The following TPD52 variants were observed in gnomAD, a reference collection of about 807,000 sequenced individuals.
TPD52 encodes the protein tumor protein D52, also known as prostate and colon associated protein.
In TPD52, 17 loss-of-function variants were observed where a neutral mutation model predicts 31.3. The observed-to-expected ratio is 0.54, with a 90% CI of 0.37 to 0.82. TPD52 has a LOEUF of 0.82. TPD52 is among the 40% of genes least tolerant of loss of function. TPD52 has a pLI of 0.00. For synonymous variants in TPD52, 83 were observed against 89.6 expected, an observed-to-expected ratio of 0.93 and a Z score of 0.42; for missense variants, 212 against 240.1, an observed-to-expected ratio of 0.88 and a Z score of 0.77.
chr8:80,144,058 T>C (rs1810025087), intron 1 of TPD52, among the ~76,000 whole-genome samples: 1 of 152,352 alleles, frequency 6.6e-6, no homozygotes, highest in South Asian at 2.1e-4. Flanking sequence ...TTTAATTTTA[T>C]ATGACAAATT....
chr8:80,040,184 C>CTTTTTTTTTTTTTTTTTT, intron 7 of TPD52, among the ~76,000 whole-genome samples: 1 of 132,384 alleles, frequency 7.6e-6, no homozygotes, highest in Non-Finnish European at 1.6e-5. Flanking sequence ...AATACGCTAT[C>CTTTTTTTTTTTTTTTTTT]CTTTTTTTTT....
At chr8:80,051,080 A>G (rs985728242) in intron 4 of TPD52, among the ~76,000 whole-genome samples, 10 of 152,150 alleles carry the variant, frequency 6.6e-5, no homozygotes, top group Non-Finnish European at 1.5e-4. Context: ...CAGTTAGAAT[A>G]AAACAGTGCA....
chr8:80,089,047 ACC>A (rs1816048636), intron 1 of TPD52, among the ~76,000 whole-genome samples: 1 of 152,296 alleles, frequency 6.6e-6, no homozygotes, highest in South Asian at 2.1e-4. Context: ...CTACCCTGCC[ACC>A]AGCACCTTGA....
Position 80,142,866 on chromosome 8 carries a change from A to G in TPD52, c.19+28559T>C, listed in dbSNP as rs557867997. 5.3e-5 allele frequency among the ~76,000 whole-genome samples: 8 copies of G among 152,342 alleles called. No individual in the cohort carries two copies. The South Asian group carries it at 1.7e-3, about 32-fold the overall frequency. ...TGACTGTTGTGCCCAGAATCCAGCA[A>G]GAGCTAGGACCTCGCACACACATTC... is the stretch of plus-strand genomic sequence containing the variant. On this transcript the variant is annotated intron_variant, in intron 1 of 7. Coordinates refer to ENST00000518937, the MANE Select transcript of TPD52 (RefSeq NM_001025253.3).
intron 1 of TPD52, among the ~76,000 whole-genome samples, chr8:80,087,268 A>T (rs112731875): frequency 0.13 from 20,502 of 152,156 alleles, 1,542 homozygotes; most frequent in South Asian, 0.29. Context: ...TAAGCCCAGC[A>T]TTCATTAGCT....
At chr8:80,112,425 C>T (rs1037719348) in intron 1 of TPD52, among the ~76,000 whole-genome samples, 10 of 152,178 alleles carry the variant, frequency 6.6e-5, no homozygotes, top group African/African-American at 2.4e-4. Flanking sequence ...TGGCCACTAT[C>T]TTGCTCTTCC....
Position 80,057,495 on chromosome 8 carries a change from G to A in TPD52, c.136-4065C>T, listed in dbSNP as rs556192361. Among the ~76,000 whole-genome samples, 3 of 152,320 alleles carry A rather than the reference G, an allele frequency of 2.0e-5. No homozygotes were observed. In the East Asian group the frequency reaches 5.8e-4, roughly 29 times the overall value. The stretch of plus-strand genomic sequence containing the variant: ...TGGAATACTATGCAGCCCCTAAAAA[G>A]TACAAAATCATGTCCTTTGCTGCAA... On this transcript the variant is annotated intron_variant, in intron 2 of 7. Transcript: ENST00000518937.
intron 1 of TPD52, among the ~76,000 whole-genome samples, chr8:80,129,189 A>G (rs985706884): frequency 6.6e-6 from 1 of 152,274 alleles, no homozygotes; most frequent in South Asian, 2.1e-4. Flanking sequence ...CCCACTATTC[A>G]TATCTGCTTG....
intron 2 of TPD52, among the ~76,000 whole-genome samples, chr8:80,059,712 G>C (rs993630839): frequency 1.3e-5 from 2 of 151,664 alleles, no homozygotes; most frequent in Non-Finnish European, 2.9e-5. Flanking sequence ...AAATTAGCTG[G>C]GAGTGGTGGC....
At chr8:80,107,752 T>TG (rs1019016590) in intron 1 of TPD52, among the ~76,000 whole-genome samples, 4 of 127,636 alleles carry the variant, frequency 3.1e-5, no homozygotes, top group South Asian at 2.5e-4. Flanking sequence ...CAAATGTGTG[T>TG]TTTTTTTTTA....
chr8:80,168,301 C>G (rs76818126), intron 1 of TPD52, among the ~76,000 whole-genome samples: 1,755 of 152,178 alleles, frequency 0.012, 32 homozygotes, highest in African/African-American at 0.04. Flanking sequence ...GTAGCAAGAA[C>G]AGATTTTTTG....
intron 2 of TPD52, among the ~76,000 whole-genome samples, chr8:80,053,998 C>G (rs762044957): frequency 1.3e-5 from 2 of 152,096 alleles, no homozygotes; most frequent in African/African-American, 4.8e-5. Flanking sequence ...TAAATCAAAC[C>G]GCCTCCTCAG....
Position 80,159,194 on chromosome 8 carries a change from T to C in TPD52, c.19+12231A>G, listed in dbSNP as rs552838543. 2.0e-5 allele frequency among the ~76,000 whole-genome samples: 3 copies of C among 152,308 alleles called. No homozygotes were observed. In the South Asian group the frequency reaches 6.2e-4, roughly 32 times the overall value. ...CAGATTTGTACCTAATTTTCATGCA[T>C]ATGTGAGATATCAGCCTTAGAGAAG... On this transcript the variant is annotated intron_variant, in intron 1 of 7. Coordinates refer to ENST00000518937, the MANE Select transcript of TPD52 (RefSeq NM_001025253.3).
At chr8:80,062,336 T>A (rs1043809960) in intron 2 of TPD52, among the ~76,000 whole-genome samples, 3 of 152,190 alleles carry the variant, frequency 2.0e-5, no homozygotes, top group Admixed American at 6.5e-5. Flanking sequence ...ACTAGCCACA[T>A]GCAAAAGAAT....
chr8:80,146,934 C>A (rs548491184), intron 1 of TPD52, among the ~76,000 whole-genome samples: 2 of 152,192 alleles, frequency 1.3e-5, no homozygotes, highest in Non-Finnish European at 2.9e-5. Flanking sequence ...CCAGCAGTAT[C>A]AGCATCACCT....
At chr8:80,142,362 G>C (rs111994762) in intron 1 of TPD52, among the ~76,000 whole-genome samples, 1 of 152,146 alleles carries the variant, frequency 6.6e-6, no homozygotes, top group Non-Finnish European at 1.5e-5. Flanking sequence ...AGGTTGGGCT[G>C]GTCCACAGTA....
intron 1 of TPD52, chr8:80,066,778 T>C (rs1347209196): frequency 6.6e-6 from 1 of 152,208 alleles, no homozygotes; most frequent in Non-Finnish European, 1.5e-5. Flanking sequence ...TGTGTGCTTG[T>C]AAATCTACCC....
rs1810028681 is a variant in TPD52 at position 80,038,035 on chromosome 8, C to T, written c.*81G>A. 3 of 1,553,888 alleles carry T rather than the reference C, an allele frequency of 1.9e-6. No homozygotes were observed. In the South Asian group the frequency reaches 3.5e-5, roughly 18 times the overall value. On this transcript the variant is annotated 3_prime_UTR_variant, in exon 8 of 8. Coordinates refer to ENST00000518937, the MANE Select transcript of TPD52 (RefSeq NM_001025253.3). ...AATAAAAGCACATCTGGTAGAAATTCATGGCAATGCATGTTGACAAGATGT... is the reference window on the plus strand; with the variant it reads ...AATAAAAGCACATCTGGTAGAAATTTATGGCAATGCATGTTGACAAGATGT...
chr8:80,046,652 G>C (rs538345269), intron 5 of TPD52, among the ~76,000 whole-genome samples: 1 of 152,052 alleles, frequency 6.6e-6, no homozygotes, highest in African/African-American at 2.4e-5. Flanking sequence ...GGCACATTTT[G>C]TTAAAAATGT....
Sources: allele counts gnomAD v4.1 joint callset (sites outside exome capture counted in the v4.1 genomes callset), GRCh38; gene constraint gnomAD v4.1.1; transcripts MANE v1.5; gene names NCBI Gene and HGNC (gene_info 2026-07-23, HGNC 2026-07-21).